The following CSMD3 variants were observed in gnomAD, a reference collection of about 807,000 sequenced individuals.
CSMD3 encodes the protein CUB and sushi domain-containing protein 3.
A neutral mutation model predicts 435.2 loss-of-function variants in CSMD3; 177 were observed. The observed-to-expected ratio is 0.41, with a 90% confidence interval of 0.36 to 0.46. The LOEUF (loss-of-function observed/expected upper bound fraction) is 0.46, where lower values mean the gene tolerates loss of function less well. Among genes scored for constraint, CSMD3 ranks in the 20% least tolerant of loss-of-function variants. CSMD3 has a pLI of 0.34. For missense variants in CSMD3, 4,265 were observed against 4,504.6 expected, an observed-to-expected ratio of 0.95 and a Z score of 1.52; for synonymous variants, 1,656 against 1,520.5, an observed-to-expected ratio of 1.09 and a Z score of -2.07.
rs766890809 is a variant in CSMD3 at position 112,336,794 on chromosome 8, T to C, written c.6877A>G (p.Thr2293Ala). 6.2e-7 allele frequency: 1 copy of C among 1,613,192 alleles called. No homozygotes were observed. The highest frequency in any genetic ancestry group is 1.7e-5 in the Admixed American group (1 of 60,016). Residue 2293 changes from threonine to alanine, a missense_variant, in exon 44 of 71, where the codon ACC (threonine) becomes GCC (alanine). By Grantham distance (58) the Thr-to-Ala change is moderately conservative (BLOSUM62 0). This residue lies in a region of CSMD3 where 3,255 missense variants were observed against 3,380.2 expected (regional missense o/e 0.96). Transcript: ENST00000297405. ...CGGNITAMNG[T>A]IYSPGYPDEY... ...TCAGGATACCCAGGAGAATAAATGGTGCCATTCATTGCAGTTATATTCCCA... is the reference window on the plus strand; with the variant it reads ...TCAGGATACCCAGGAGAATAAATGGCGCCATTCATTGCAGTTATATTCCCA...
intron 5 of CSMD3, among the ~76,000 whole-genome samples, chr8:113,042,586 A>T (rs2087669176): frequency 6.6e-6 from 1 of 152,242 alleles, no homozygotes; most frequent in East Asian, 1.9e-4. Context: ...AATTTTAAGT[A>T]TTATTTACAT....
intron 2 of CSMD3, among the ~76,000 whole-genome samples, chr8:113,289,554 CAGAGAGAGAG>C (rs66595138): frequency 3.1e-4 from 45 of 143,272 alleles, no homozygotes; most frequent in South Asian, 1.6e-3. Context: ...CAGAGAGAGA[CAGAGAGAGAG>C]AGAGAGAGAG....
chr8:113,303,286 T>C (rs1465594199), intron 2 of CSMD3, among the ~76,000 whole-genome samples: 101 of 132,574 alleles, frequency 7.6e-4, no homozygotes, highest in Admixed American at 1.6e-3. Context: ...GGAAGAATAT[T>C]CCATGCTCAT....
In CSMD3 at chr8:113,098,748, T is replaced by A. The variant is rs779617057; in HGVS notation, c.917+8A>T. The A allele has an allele frequency of 6.4e-7, 1 of 1,565,952 alleles. No individual in the cohort carries two copies. The highest frequency in any genetic ancestry group is 8.8e-7 in the Non-Finnish European group (1 of 1,136,700). On this transcript the variant is annotated splice_region_variant and intron_variant, in intron 5 of 70. Transcript: ENST00000297405. ...TCAATGCAAGGTTAATAGAAGCTATTTACTTACCATATGGTAGGTGGCTCA... is the reference window on the plus strand; with the variant it reads ...TCAATGCAAGGTTAATAGAAGCTATATACTTACCATATGGTAGGTGGCTCA...
At chr8:112,575,676 A>C (rs1287859803) in intron 23 of CSMD3, among the ~76,000 whole-genome samples, 1 of 152,122 alleles carries the variant, frequency 6.6e-6, no homozygotes, top group African/African-American at 2.4e-5. Context: ...TGAGGTTGGT[A>C]GCTCAGGCAT....
At chr8:112,924,079 G>A (rs1361889970) in intron 9 of CSMD3, among the ~76,000 whole-genome samples, 5 of 152,166 alleles carry the variant, frequency 3.3e-5, no homozygotes, top group Non-Finnish European at 7.4e-5. Context: ...GTTGTGGTTA[G>A]ATTGGTTACA....
chr8:113,332,001 G>A (rs1011611973), intron 1 of CSMD3, among the ~76,000 whole-genome samples: 4 of 151,566 alleles, frequency 2.6e-5, no homozygotes, highest in African/African-American at 4.8e-5. Context: ...ATTTGCTGAC[G>A]GCAGGATCTT....
rs182357217 is a variant in CSMD3 at position 112,758,861 on chromosome 8, T to G, written c.1972+41301A>C. Among the ~76,000 whole-genome samples the G allele has an allele frequency of 3.3e-3, 495 of 152,260 alleles. 1 individual carries two copies. Among genetic ancestry groups the G allele is most frequent in the African/African-American group, 0.011 (468 of 41,572 alleles). The stretch of plus-strand genomic sequence containing the variant: ...GATGGTATTTATTTTATTAACAAAC[T>G]TAAGCAATGATTTGCATTTATAAGA... On this transcript the variant is annotated intron_variant, in intron 13 of 70. Transcript: ENST00000297405.
intron 3 of CSMD3, among the ~76,000 whole-genome samples, chr8:113,192,764 T>C (rs1392216540): frequency 6.6e-6 from 1 of 151,640 alleles, no homozygotes; most frequent in Non-Finnish European, 1.5e-5. Flanking sequence ...TTAGGTTTGT[T>C]TGTTCATTTT....
chr8:113,278,798 A>T, intron 2 of CSMD3, 94 bp from the exon 3 acceptor site: 1 of 695,088 alleles, frequency 1.4e-6, no homozygotes, highest in African/African-American at 1.8e-5. Context: ...AAATAATAAA[A>T]CAGATTTTCT....
chr8:113,067,630 C>A (rs778344926), intron 5 of CSMD3, among the ~76,000 whole-genome samples: 1 of 151,962 alleles, frequency 6.6e-6, no homozygotes, highest in Non-Finnish European at 1.5e-5. Flanking sequence ...CAGGTTCAGA[C>A]AAATTGGACA....
intron 1 of CSMD3, among the ~76,000 whole-genome samples, chr8:113,336,075 T>C (rs1170243492): frequency 6.6e-6 from 1 of 152,128 alleles, no homozygotes; most frequent in African/African-American, 2.4e-5. Flanking sequence ...TTTATTTTAG[T>C]CCTACAGGTT....
intron 61 of CSMD3, among the ~76,000 whole-genome samples, chr8:112,261,420 G>C (rs1446315862): frequency 6.6e-6 from 1 of 151,892 alleles, no homozygotes; most frequent in Non-Finnish European, 1.5e-5. Flanking sequence ...CACCCAGAAA[G>C]CATCCCTTTT....
chr8:112,422,290 C>T (rs2130294752), intron 32 of CSMD3, among the ~76,000 whole-genome samples: 1 of 152,072 alleles, frequency 6.6e-6, no homozygotes, highest in Middle Eastern at 3.4e-3. Flanking sequence ...ATTATTTAGT[C>T]ATCATGAATA....
Position 112,930,122 on chromosome 8 carries a change from A to G in CSMD3, c.1509-8371T>C, listed in dbSNP as rs560201117. Reference sequence around the variant, plus strand: ...GTTGGTAAGCTTCCTAATGATTTCCACAACATGCTATTTTGAAGTTCACAT... The same window carrying G: ...GTTGGTAAGCTTCCTAATGATTTCCGCAACATGCTATTTTGAAGTTCACAT... On this transcript the variant is annotated intron_variant, in intron 9 of 70. Transcript: ENST00000297405. 2.6e-5 allele frequency among the ~76,000 whole-genome samples: 4 copies of G among 152,238 alleles called. No individual in the cohort carries two copies. The South Asian group carries it at 8.3e-4, about 32-fold the overall frequency.
chr8:112,644,088 T>G (rs1226562948), intron 20 of CSMD3, among the ~76,000 whole-genome samples: 2 of 151,816 alleles, frequency 1.3e-5, no homozygotes, highest in South Asian at 4.1e-4. Context: ...AAAAAAGTAC[T>G]TTTCAAAATC....
At chr8:112,582,457 T>C (rs1038139999) in intron 23 of CSMD3, among the ~76,000 whole-genome samples, 3 of 151,310 alleles carry the variant, frequency 2.0e-5, no homozygotes, top group Admixed American at 1.3e-4. Flanking sequence ...ATATTTGAGA[T>C]ACTGCAGGGA....
intron 2 of CSMD3, among the ~76,000 whole-genome samples, chr8:113,306,776 A>G: frequency 6.6e-6 from 1 of 152,168 alleles, no homozygotes; most frequent in East Asian, 1.9e-4. Context: ...TTATATGTTA[A>G]TTATAAAGAA....
At chr8:113,004,186 C>T (rs1288456875) in intron 6 of CSMD3, among the ~76,000 whole-genome samples, 3 of 151,862 alleles carry the variant, frequency 2.0e-5, no homozygotes, top group Non-Finnish European at 4.4e-5. Context: ...ATATTAAGGA[C>T]TACAATCCTC....
Sources: allele counts gnomAD v4.1 joint callset (sites outside exome capture counted in the v4.1 genomes callset), GRCh38; gene constraint gnomAD v4.1.1; regional missense constraint gnomAD v4.1.1; transcripts MANE v1.5; gene names NCBI Gene and HGNC (gene_info 2026-07-23, HGNC 2026-07-21).